The following B3GALT5 variants were observed in gnomAD, a reference collection of about 807,000 sequenced individuals.
The protein encoded by B3GALT5 is beta-1,3-galactosyltransferase 5, also known as UDP-Gal:betaGlcNAc beta 1,3-galactosyltransferase, polypeptide 5.
For synonymous variants in B3GALT5, 156 were observed against 158.6 expected (o/e 0.98, Z 0.12); for missense variants, 328 against 396.6 (o/e 0.83, Z 1.47).
intron 1 of B3GALT5, among the ~76,000 whole-genome samples, chr21:39,641,575 G>C (rs1165217807): frequency 6.6e-6 from 1 of 152,104 alleles, no homozygotes; most frequent in African/African-American, 2.4e-5. Flanking sequence ...TTCTGGAATA[G>C]CTCATTCCAC....
At chr21:39,639,033 C>T (rs1397750381) in intron 1 of B3GALT5, among the ~76,000 whole-genome samples, 1 of 152,178 alleles carries the variant, frequency 6.6e-6, no homozygotes, top group Non-Finnish European at 1.5e-5. Context: ...GCTAATGGGA[C>T]ATTGGGCTGG....
intron 1 of B3GALT5, among the ~76,000 whole-genome samples, chr21:39,640,010 T>C (rs2079277358): frequency 6.7e-6 from 1 of 148,382 alleles, no homozygotes; most frequent in African/African-American, 2.5e-5. Flanking sequence ...GAGGGCTCAT[T>C]AGCAAGCCTC....
chr21:39,658,613 AAAAGT>A (rs948390372), intron 2 of B3GALT5, among the ~76,000 whole-genome samples: 3 of 152,270 alleles, frequency 2.0e-5, no homozygotes, highest in Admixed American at 6.5e-5. Flanking sequence ...AAAGAGAAAG[AAAAGT>A]AAAGGAAGGA....
chr21:39,623,703 C>A (rs909364995), intron 1 of B3GALT5, among the ~76,000 whole-genome samples: 2 of 152,060 alleles, frequency 1.3e-5, no homozygotes, highest in Non-Finnish European at 2.9e-5. Context: ...TGATAATTTG[C>A]CTTTCTCCAC....
In B3GALT5 at chr21:39,671,334, A is replaced by C. The variant is rs974121386; in HGVS notation, c.*9842A>C. The C allele has an allele frequency of 6.6e-6, 1 of 152,196 alleles. No homozygotes were observed. The highest frequency in any genetic ancestry group is 1.5e-5 in the Non-Finnish European group (1 of 68,032). The allele number at this position is 152,196 out of a possible 1,614,324, so 9.4% of individuals were successfully genotyped here. A position where few individuals can be genotyped will look rare whatever the true frequency, so the allele number is the denominator to read the frequency against. On this transcript the variant is annotated 3_prime_UTR_variant, in exon 4 of 4. Transcript: ENST00000684187. The stretch of plus-strand genomic sequence containing the variant: ...TTTGTTATATCAGAATGGACATTAT[A>C]GCAATTTCCATGGCTGTGTCGCTCC...
Position 39,661,256 on chromosome 21 carries a change from T to C in B3GALT5, c.697T>C (p.Ser233Pro). 6.2e-7 allele frequency: 1 copy of C among 1,614,162 alleles called. No homozygotes were observed. The highest frequency in any genetic ancestry group is 8.5e-7 in the Non-Finnish European group (1 of 1,180,042). Residue 233 changes from serine (S) to proline (P), a missense_variant, in exon 4 of 4, where the codon TCC (serine) becomes CCC (proline). Coordinates refer to ENST00000684187, the MANE Select transcript of B3GALT5 (RefSeq NM_001356336.2). The surrounding 1 kb of genome is among the most constrained non-coding windows in gnomAD (Gnocchi z 4.7). Reference protein sequence around the residue: ...GDVASQVYNVSKSVPYIKLED... With the variant: ...GDVASQVYNVPKSVPYIKLED... The stretch of plus-strand genomic sequence containing the variant: ...CGTGGCGAGTCAGGTGTACAATGTC[T>C]CCAAGAGCGTCCCATACATTAAACT...
intron 1 of B3GALT5, among the ~76,000 whole-genome samples, chr21:39,616,347 C>T (rs2079107444): frequency 6.6e-6 from 1 of 152,118 alleles, no homozygotes; most frequent in African/African-American, 2.4e-5. Context: ...TGCAAGTTCC[C>T]TTTTTAATCT....
intron 1 of B3GALT5, among the ~76,000 whole-genome samples, chr21:39,618,102 C>T (rs2079116284): frequency 6.6e-6 from 1 of 152,108 alleles, no homozygotes; most frequent in African/African-American, 2.4e-5. Flanking sequence ...ATGCAGTGAG[C>T]CATGATCAAT....
intron 1 of B3GALT5, among the ~76,000 whole-genome samples, chr21:39,637,927 G>A (rs373047631): frequency 4.6e-5 from 7 of 152,200 alleles, no homozygotes; most frequent in African/African-American, 1.7e-4. Context: ...ACTGTTAGGG[G>A]CGGGGAGCAG....
In B3GALT5 at chr21:39,666,958, C is replaced by T. The variant is rs1322424331; in HGVS notation, c.*5466C>T. On this transcript the variant is annotated 3_prime_UTR_variant, in exon 4 of 4. Transcript: ENST00000684187. ...TCCCTGCCACTTTCCAATCTGTCCT[C>T]CACTTGACATTTGGAGTAATTTTTT... is the stretch of plus-strand genomic sequence containing the variant. 2.0e-5 allele frequency: 3 copies of T among 152,250 alleles called. No individual in the cohort carries two copies. The highest frequency in any genetic ancestry group is 7.2e-5 in the African/African-American group (3 of 41,456). 9.4% of individuals were successfully genotyped at this position (152,250 alleles called of 1,614,324 possible). A position where few individuals can be genotyped will look rare whatever the true frequency, so the allele number is the denominator to read the frequency against.
chr21:39,614,868 G>A (rs371892163), intron 1 of B3GALT5, among the ~76,000 whole-genome samples: 4 of 152,322 alleles, frequency 2.6e-5, no homozygotes, highest in African/African-American at 9.6e-5. Flanking sequence ...GCCAGGCCTA[G>A]AGCCTGATCC....
intron 1 of B3GALT5, among the ~76,000 whole-genome samples, chr21:39,641,463 G>GA (rs199683297): frequency 6.6e-6 from 1 of 151,942 alleles, no homozygotes; most frequent in African/African-American, 2.4e-5. Context: ...GAATTTAGAT[G>GA]AAAAAAAAGT....
At chr21:39,617,827 G>A (rs1446223208) in intron 1 of B3GALT5, among the ~76,000 whole-genome samples, 1 of 152,064 alleles carries the variant, frequency 6.6e-6, no homozygotes, top group African/African-American at 2.4e-5. Flanking sequence ...TTCTAATGTG[G>A]CCCAGGGAAG....
intron 2 of B3GALT5, among the ~76,000 whole-genome samples, chr21:39,647,248 G>A (rs1231243065): frequency 6.6e-6 from 1 of 152,204 alleles, no homozygotes; most frequent in Non-Finnish European, 1.5e-5. Context: ...CTTGAGGACG[G>A]CCAAACTTGT....
At chr21:39,625,291 A>G (rs2079157963) in intron 1 of B3GALT5, among the ~76,000 whole-genome samples, 1 of 152,182 alleles carries the variant, frequency 6.6e-6, no homozygotes, top group South Asian at 2.1e-4. Context: ...GTTAGAAAGC[A>G]GTTTTCGTGT....
rs1261626022 is a variant in B3GALT5, at chr21:39,671,849, T to A, written c.*10357T>A. On this transcript the variant is annotated 3_prime_UTR_variant, in exon 4 of 4. Coordinates refer to ENST00000684187, the MANE Select transcript of B3GALT5 (RefSeq NM_001356336.2). ...ATCTGAGTGCTAGGAACGGACCTCTTGCTCTCAGATTGGCCTTGAAGCTGA... is the reference window on the plus strand; with the variant it reads ...ATCTGAGTGCTAGGAACGGACCTCTAGCTCTCAGATTGGCCTTGAAGCTGA... 6.6e-6 allele frequency: 1 copy of A among 152,236 alleles called. No individual in the cohort carries two copies. Among genetic ancestry groups the A allele is most frequent in the Non-Finnish European group, 1.5e-5 (1 of 68,052 alleles). 9.4% of individuals were successfully genotyped at this position (152,236 alleles called of 1,614,324 possible).
chr21:39,635,051 T>C (rs908680612), intron 1 of B3GALT5, among the ~76,000 whole-genome samples: 3 of 152,140 alleles, frequency 2.0e-5, no homozygotes, highest in Non-Finnish European at 2.9e-5. Context: ...GCAACAAAAC[T>C]GAGGGCCCCC....
At chr21:39,641,697 T>A (rs190997807) in intron 1 of B3GALT5, among the ~76,000 whole-genome samples, 165 of 152,342 alleles carry the variant, frequency 1.1e-3, no homozygotes, top group Non-Finnish European at 1.8e-3. Flanking sequence ...CTCTGAGACA[T>A]GTTTTCTAAA....
rs2146227483 is a variant in B3GALT5 at position 39,664,493 on chromosome 21, C to CA, written c.*3002dup. On this transcript the variant is annotated 3_prime_UTR_variant, in exon 4 of 4. Coordinates refer to ENST00000684187, the MANE Select transcript of B3GALT5 (RefSeq NM_001356336.2). ...CTGGATCACCCCATTAGCACACAGA[C>CA]ACGCTGCCATTTTCCACCTGACCAG... 6.5e-6 allele frequency: 1 copy of CA among 152,848 alleles called. No homozygotes were observed. Among genetic ancestry groups the CA allele is most frequent in the Admixed American group, 6.5e-5 (1 of 15,308 alleles). The allele number at this position is 152,848 out of a possible 1,614,324, so 9.5% of individuals were successfully genotyped here.
Sources: allele counts gnomAD v4.1 joint callset (sites outside exome capture counted in the v4.1 genomes callset), GRCh38; gene constraint gnomAD v4.1.1; non-coding constraint Gnocchi (gnomAD v3.1); transcripts MANE v1.5; gene names NCBI Gene and HGNC (gene_info 2026-07-23, HGNC 2026-07-21).